TUBB8B: variants seen among roughly 807,000 people sequenced by gnomAD.
TUBB8B encodes HSA18p11 beta-tubulin 4Q pseudogene.
Under a neutral mutation model 31.9 loss-of-function variants are expected in TUBB8B, and 26 were observed. The observed-to-expected ratio is 0.81, with a 90% CI of 0.60 to 1.13. The LOEUF is 1.13. TUBB8B is among the 50% of genes most tolerant of loss of function. TUBB8B has a pLI of 0.00. For synonymous variants in TUBB8B, 173 were observed against 231.0 expected, an observed-to-expected ratio of 0.75 and a Z score of 2.28; for missense variants, 467 against 586.7, an observed-to-expected ratio of 0.80 and a Z score of 2.11.
chr18:60,651 A>G, the TUBB8B span, among the ~76,000 whole-genome samples: 1 of 151,578 alleles, frequency 6.6e-6, no homozygotes, highest in South Asian at 2.1e-4. Flanking sequence ...AGGTTTTGCT[A>G]TGCTATGTTT....
chr18:68,053 T>C, the TUBB8B span, among the ~76,000 whole-genome samples: 2 of 152,226 alleles, frequency 1.3e-5, no homozygotes, highest in Non-Finnish European at 2.9e-5. Context: ...ATCCAGACTC[T>C]TACCGGGGTG....
upstream of TUBB8B, among the ~76,000 whole-genome samples, chr18:50,911 A>C (rs1418218286): frequency 6.6e-6 from 1 of 151,964 alleles, no homozygotes; most frequent in East Asian, 1.9e-4. Context: ...GCATTCTAAC[A>C]AGCTCAAAAT....
At chr18:56,907 G>A in the TUBB8B span, among the ~76,000 whole-genome samples, 39 of 151,978 alleles carry the variant, frequency 2.6e-4, no homozygotes, top group East Asian at 6.8e-3. Flanking sequence ...ACATCACATG[G>A]TAAGTGTGAG....
chr18:61,096 G>C, the TUBB8B span, among the ~76,000 whole-genome samples: 1 of 151,348 alleles, frequency 6.6e-6, no homozygotes, highest in Admixed American at 6.6e-5. Flanking sequence ...TCTTTCTTTA[G>C]CTCTTATAGT....
chr18:63,248 C>T, the TUBB8B span, among the ~76,000 whole-genome samples: 1 of 151,814 alleles, frequency 6.6e-6, no homozygotes, highest in Non-Finnish European at 1.5e-5. Context: ...TCTTCACAGT[C>T]TGGGCTTCTT....
chr18:72,285 T>A, the TUBB8B span, among the ~76,000 whole-genome samples: 1 of 152,002 alleles, frequency 6.6e-6, no homozygotes, highest in Non-Finnish European at 1.5e-5. Context: ...TGATTTTATT[T>A]AAAATGGTCA....
At chr18:68,934 C>G in the TUBB8B span, among the ~76,000 whole-genome samples, 2 of 152,210 alleles carry the variant, frequency 1.3e-5, no homozygotes, top group Non-Finnish European at 2.9e-5. Context: ...CCACCCTTAG[C>G]AAATTGTCTA....
the TUBB8B span, among the ~76,000 whole-genome samples, chr18:68,099 T>C: frequency 3.3e-5 from 5 of 152,310 alleles, no homozygotes; most frequent in East Asian, 3.9e-4. Context: ...GAATTTGGAC[T>C]GGGTTTGGCC....
At chr18:58,816 T>C in the TUBB8B span, among the ~76,000 whole-genome samples, 2 of 151,872 alleles carry the variant, frequency 1.3e-5, no homozygotes, top group Non-Finnish European at 1.5e-5. Context: ...GGTAATTTAT[T>C]TTTTAAAAAG....
chr18:69,440 C>A, the TUBB8B span, among the ~76,000 whole-genome samples: 3 of 152,324 alleles, frequency 2.0e-5, no homozygotes, highest in African/African-American at 7.2e-5. Context: ...CCTGGGCAAT[C>A]GGGCCAGACC....
chr18:67,003 T>TG, the TUBB8B span, among the ~76,000 whole-genome samples: 4 of 151,526 alleles, frequency 2.6e-5, no homozygotes, highest in African/African-American at 4.9e-5. Flanking sequence ...TTTGTTTTTT[T>TG]TTTTTTTCCA....
chr18:53,933 C>A (rs1367741522), upstream of TUBB8B, among the ~76,000 whole-genome samples: 1 of 151,640 alleles, frequency 6.6e-6, no homozygotes, highest in African/African-American at 2.4e-5. Flanking sequence ...TAAGGCCATA[C>A]CTCTTAGTTT....
chr18:51,343 G>A (rs574391378), upstream of TUBB8B, among the ~76,000 whole-genome samples: 31 of 151,858 alleles, frequency 2.0e-4, no homozygotes, highest in African/African-American at 5.3e-4. Context: ...CCTATATATC[G>A]TGGGAGGGGC....
chr18:47,689 G>T lies in TUBB8B; in HGVS notation c.1036C>A (p.Pro346Thr), dbSNP rs758883590. ...KNSSYFADWFPDNVKTAVCDI... is the reference protein window; with the variant it reads ...KNSSYFADWFTDNVKTAVCDI... ...CAGACGGCTGTTTTTACGTTGTCGG[G>T]GAACCAGTCAGCAAAGTAGCTGCTG... The change falls in exon 4 of 4, where the codon CCC (proline) becomes ACC (threonine). Residue 346 changes from proline to threonine, a missense_variant. By Grantham distance (38) the Pro-to-Thr change is conservative. This residue lies in a region of TUBB8B where 208 missense variants were observed against 206.7 expected (regional missense o/e 1.01). Transcript: ENST00000308911. 1.2e-6 allele frequency: 2 copies of T among 1,611,964 alleles called. No individual in the cohort carries two copies. The highest frequency in any genetic ancestry group is 2.2e-5 in the East Asian group (1 of 44,858).
chr18:47,478 T>C lies in TUBB8B; in HGVS notation c.1247A>G (p.Asn416Ser), dbSNP rs747244629. 5.9e-5 allele frequency: 90 copies of C among 1,521,718 alleles called. No homozygotes were observed. The highest frequency in any genetic ancestry group is 7.8e-5 in the Non-Finnish European group (86 of 1,099,368). The allele number at this position is 1,521,718 out of a possible 1,614,324, so 94.3% of individuals were successfully genotyped here. A position where few individuals can be genotyped will look rare whatever the true frequency, so the allele number is the denominator to read the frequency against. The change falls in exon 4 of 4, where the codon AAC (asparagine) becomes AGC (serine). Residue 416 changes from asparagine (N) to serine (S), a missense_variant. Transcript: ENST00000308911. ...MEFTEAESNM[N>S]DLVSEYQQYQ... ...TTGCTGATATTCAGACACCAGGTCG[T>C]TCATGTTGCTCTCGGCCTCGGTGAA...
the TUBB8B span, among the ~76,000 whole-genome samples, chr18:65,390 T>C: frequency 6.6e-6 from 1 of 152,110 alleles, no homozygotes; most frequent in Non-Finnish European, 1.5e-5. Flanking sequence ...GATCACTACA[T>C]CCTTTTCTCA....
At chr18:67,157 A>G in the TUBB8B span, among the ~76,000 whole-genome samples, 6,219 of 105,506 alleles carry the variant, frequency 0.059, no homozygotes, top group African/African-American at 0.14. Context: ...CACCATGCCC[A>G]GCTAATGTTT....
chr18:60,968 T>C, the TUBB8B span, among the ~76,000 whole-genome samples: 1 of 151,732 alleles, frequency 6.6e-6, no homozygotes, highest in African/African-American at 2.4e-5. Context: ...TCTATTAGGT[T>C]CATTTGTTAT....
the TUBB8B span, among the ~76,000 whole-genome samples, chr18:64,860 T>TGCTAAATAGTAAACCAA: frequency 2.0e-5 from 3 of 152,096 alleles, no homozygotes; most frequent in African/African-American, 7.2e-5. Context: ...GCTAATTTTT[T>TGCTAAATAGTAAACCAA]CCCCTAAACT....
Sources: allele counts gnomAD v4.1 joint callset (sites outside exome capture counted in the v4.1 genomes callset), GRCh38; gene constraint gnomAD v4.1.1; regional missense constraint gnomAD v4.1.1; transcripts MANE v1.5; gene names NCBI Gene and HGNC (gene_info 2026-07-23, HGNC 2026-07-21).